Variants in RUSC1 observed in about 807,000 individuals in gnomAD.
RUSC1 encodes the protein RUN and SH3 domain containing 1, also known as AP-4 complex accessory subunit RUSC1.
Under a neutral mutation model 72.1 loss-of-function variants are expected in RUSC1, and 40 were observed. The observed-to-expected ratio is 0.55, with a 90% CI of 0.43 to 0.72. The LOEUF is 0.72. Ranked by LOEUF, RUSC1 falls within the 30% of genes least tolerant of loss-of-function variation. The pLI is 0.00. For synonymous variants in RUSC1, 512 were observed against 494.2 expected, an observed-to-expected ratio of 1.04 and a Z score of -0.48; for missense variants, 1,092 against 1,172.3, an observed-to-expected ratio of 0.93 and a Z score of 1.00.
rs1432410287 is a variant in RUSC1, at chr1:155,321,861, C to A, written c.88C>A (p.Pro30Thr). 1 of 1,613,814 alleles carries A rather than the reference C, an allele frequency of 6.2e-7. No individual in the cohort carries two copies. The highest frequency in any genetic ancestry group is 1.1e-5 in the South Asian group (1 of 91,082). ...VSLGLHLSRR[P>T]ELQEGPLSTP... Reference sequence around the variant, plus strand: ...CCTGGGCCTGCACTTGTCCCGCCGTCCTGAGCTACAGGAGGGGCCTTTGAG... The same window carrying A: ...CCTGGGCCTGCACTTGTCCCGCCGTACTGAGCTACAGGAGGGGCCTTTGAG... The change falls in exon 2 of 10, where the codon CCT becomes ACT. Residue 30 changes from proline to threonine, a missense_variant. Pro to Thr is a conservative substitution (Grantham distance 38, BLOSUM62 -1). Coordinates refer to ENST00000368352, the MANE Select transcript of RUSC1 (RefSeq NM_001105203.2).
In RUSC1 at chr1:155,330,509, CGCTGTGGGCGG is replaced by C; in HGVS notation, c.2649_2659del (p.Cys884TrpfsTer61). On this transcript the variant is annotated frameshift_variant, in exon 10 of 10. Coordinates refer to ENST00000368352, the MANE Select transcript of RUSC1 (RefSeq NM_001105203.2). LOFTEE classifies it high-confidence loss of function. The stretch of plus-strand genomic sequence containing the variant: ...CACCACAGTGGATGAGGACTGGCTC[CGCTGTGGGCGG>C]GATGGCATGGAGGGTCTGGTGCCTG... 6.2e-7 allele frequency: 1 copy of C among 1,613,910 alleles called. No individual in the cohort carries two copies. The highest frequency in any genetic ancestry group is 8.5e-7 in the Non-Finnish European group (1 of 1,179,908).
rs1007414548 is a variant in RUSC1 at position 155,326,969 on chromosome 1, T to G, written c.2251T>G (p.Ser751Ala). The stretch of plus-strand genomic sequence containing the variant: ...TGGGGGCACTGAGGGCTTTCCTCTT[T>G]CCCGATGGGCACCGGGGCGTCATGG... Reference protein sequence around the residue: ...ASGGTEGFPLSRWAPGRHGTA... With the variant: ...ASGGTEGFPLARWAPGRHGTA... Residue 751 changes from serine (S) to alanine (A), a missense_variant, in exon 8 of 10, where the codon TCC (serine) becomes GCC (alanine). Transcript: ENST00000368352. This position sits in a 1 kb window ranked among gnomAD's most constrained non-coding sequence, Gnocchi z 4.7. 1 of 1,613,576 alleles carries G rather than the reference T, an allele frequency of 6.2e-7. No homozygotes were observed. Among genetic ancestry groups the G allele is most frequent in the African/African-American group, 1.3e-5 (1 of 74,916 alleles).
Position 155,322,255 on chromosome 1 carries a change from G to GCTGCTCTC in RUSC1, c.486_493dup (p.Asp165AlafsTer24). 1 of 1,613,070 alleles carries GCTGCTCTC rather than the reference G, an allele frequency of 6.2e-7. No individual in the cohort carries two copies. On this transcript the variant is annotated frameshift_variant, in exon 2 of 10. Transcript: ENST00000368352. LOFTEE classifies it high-confidence loss of function. The stretch of plus-strand genomic sequence containing the variant: ...GGCACCTGCTCACCGGACAGCTTCT[G>GCTGCTCTC]CTGCTCTCCTGATTCCTGCTCCGGA...
Position 155,325,585 on chromosome 1 carries a change from T to C in RUSC1, c.1727T>C (p.Leu576Pro). 1.2e-6 allele frequency: 2 copies of C among 1,611,394 alleles called. No homozygotes were observed. Among genetic ancestry groups the C allele is most frequent in the Non-Finnish European group, 1.7e-6 (2 of 1,179,962 alleles). ...SVKPGSSTRSLGTLYSQVSRL... is the reference protein window; with the variant it reads ...SVKPGSSTRSPGTLYSQVSRL... ...TTCTCAGGCTCCAGCACCCGCTCCC[T>C]TGGAACCCTGTATAGCCAGGTCAGC... The change falls in exon 6 of 10, where the codon CTT becomes CCT. Residue 576 changes from leucine (L) to proline (P), a missense_variant. Physicochemically the swap from Leu to Pro is moderately conservative, Grantham distance 98. Coordinates refer to ENST00000368352, the MANE Select transcript of RUSC1 (RefSeq NM_001105203.2). The surrounding 1 kb of genome is among the most constrained non-coding windows in gnomAD (Gnocchi z 6.5).
Position 155,325,881 on chromosome 1 carries a change from T to C in RUSC1, c.1832T>C (p.Leu611Pro). ...LGLLNTKQLE[L>P]WFSSLQEDAG... Reference sequence around the variant, plus strand: ...TCCCCTAGCACCAAGCAGTTGGAGCTGTGGTTTTCCAGTCTCCAGGAAGAT... The same window carrying C: ...TCCCCTAGCACCAAGCAGTTGGAGCCGTGGTTTTCCAGTCTCCAGGAAGAT... Residue 611 changes from leucine (L) to proline (P), a missense_variant, in exon 7 of 10, where the codon CTG becomes CCG. Transcript: ENST00000368352. The surrounding 1 kb of genome is among the most constrained non-coding windows in gnomAD (Gnocchi z 6.5). The C allele has an allele frequency of 6.2e-7, 1 of 1,614,148 alleles. No individual in the cohort carries two copies. The highest frequency in any genetic ancestry group is 1.1e-5 in the South Asian group (1 of 91,070).
At chr1:155,324,056 G>T in intron 2 of RUSC1, 1 of 1,117,260 alleles carries the variant, frequency 9.0e-7, no homozygotes, top group Non-Finnish European at 1.1e-6. Context: ...GACCCACCTG[G>T]GCATAGTGGA....
Position 155,326,773 on chromosome 1 carries a change from T to C in RUSC1, c.2055T>C (p.Pro685=). ...AGGCCCCTGCCCCTCCAGGCCCACC[T>C]CCAGCTCTGCAGCAGACTATGCAAG... is the stretch of plus-strand genomic sequence containing the variant. The part of the protein sequence containing the change: ...PPQAPAPPGP[P]PALQQTMQAM... Residue 685 remains proline, a synonymous_variant, in exon 8 of 10, where the codon CCT becomes CCC. Transcript: ENST00000368352. This position sits in a 1 kb window ranked among gnomAD's most constrained non-coding sequence, Gnocchi z 4.7. The C allele has an allele frequency of 6.2e-7, 1 of 1,613,028 alleles. No individual in the cohort carries two copies. The highest frequency in any genetic ancestry group is 8.5e-7 in the Non-Finnish European group (1 of 1,180,016).
rs769126942 is a variant in RUSC1, at chr1:155,325,450, G to C, written c.1668G>C (p.Arg556Ser). The C allele has an allele frequency of 1.9e-6, 3 of 1,593,880 alleles. No homozygotes were observed. Among genetic ancestry groups the C allele is most frequent in the Non-Finnish European group, 2.6e-6 (3 of 1,174,304 alleles). The change falls in exon 5 of 10, where the codon AGG becomes AGC. Residue 556 changes from arginine (R) to serine (S), a missense_variant. Arg to Ser is a moderately radical substitution (Grantham distance 110, BLOSUM62 -1). Transcript: ENST00000368352. This position sits in a 1 kb window ranked among gnomAD's most constrained non-coding sequence, Gnocchi z 6.5. ...FRKDLITGQR[R>S]SSPWSVVEAS... is the part of the protein sequence containing the mutation. ...AGGACCTCATCACCGGGCAGCGCAGGAGCAGCCCCTGGAGCGTGGTGGAGG... is the reference window on the plus strand; with the variant it reads ...AGGACCTCATCACCGGGCAGCGCAGCAGCAGCCCCTGGAGCGTGGTGGAGG...
chr1:155,323,088 G>C lies in RUSC1; in HGVS notation c.1315G>C (p.Ala439Pro), dbSNP rs1359465048. The C allele has an allele frequency of 7.0e-7, 1 of 1,426,658 alleles. No individual in the cohort carries two copies. Among genetic ancestry groups the C allele is most frequent in the Non-Finnish European group, 9.1e-7 (1 of 1,094,278 alleles). The allele number at this position is 1,426,658 out of a possible 1,614,324, so 88.4% of individuals were successfully genotyped here. ...TGTCAGCCCAGCGGCTGGCGAGGAG[G>C]CCCCAGCCGCGAAGGAGCCGGGCGC... The part of the protein sequence containing the change: ...RAVSPAAGEE[A>P]PAAKEPGAQA... The change falls in exon 2 of 10, where the codon GCC (alanine) becomes CCC (proline). Residue 439 changes from alanine to proline, a missense_variant. Ala to Pro is a conservative substitution (Grantham distance 27). Transcript: ENST00000368352.
chr1:155,322,260 T>C lies in RUSC1; in HGVS notation c.487T>C (p.Ser163Pro). ...CTGCTCACCGGACAGCTTCTGCTGC[T>C]CTCCTGATTCCTGCTCCGGAGCTTC... ...GTCSPDSFCC[S>P]PDSCSGASSS... Residue 163 changes from serine (S) to proline (P), a missense_variant, in exon 2 of 10, where the codon TCT becomes CCT. Coordinates refer to ENST00000368352, the MANE Select transcript of RUSC1 (RefSeq NM_001105203.2). 3 of 1,613,008 alleles carry C rather than the reference T, an allele frequency of 1.9e-6. No individual in the cohort carries two copies. The highest frequency in any genetic ancestry group is 2.5e-6 in the Non-Finnish European group (3 of 1,179,192).
chr1:155,329,636 C>T (rs1034072816), intron 9 of RUSC1, among the ~76,000 whole-genome samples: 2 of 152,000 alleles, frequency 1.3e-5, no homozygotes, highest in African/African-American at 2.4e-5. Context: ...TTGTGATCCA[C>T]CCACCTCAGC....
chr1:155,329,567 T>C (rs1184202555), intron 9 of RUSC1, among the ~76,000 whole-genome samples: 3 of 151,784 alleles, frequency 2.0e-5, no homozygotes, highest in African/African-American at 7.3e-5. Context: ...TAATTTTTTA[T>C]ATTTTTAATA....
chr1:155,330,442 T>C lies in RUSC1; in HGVS notation c.2580T>C (p.Pro860=). 4 of 1,613,414 alleles carry C rather than the reference T, an allele frequency of 2.5e-6. No homozygotes were observed. The highest frequency in any genetic ancestry group is 3.4e-6 in the Non-Finnish European group (4 of 1,180,022). Residue 860 remains proline, a synonymous_variant, in exon 10 of 10, where the codon CCT becomes CCC. Coordinates refer to ENST00000368352, the MANE Select transcript of RUSC1 (RefSeq NM_001105203.2). ...RALCDHTAAR[P]DQLSFRRGEV... ...TCTGTGATCACACTGCTGCAAGACC[T>C]GACCAGTTGAGCTTCCGGCGTGGGG...
intron 8 of RUSC1, 112 bp from the exon 9 acceptor site, chr1:155,328,038 G>A (rs140346098): frequency 7.2e-7 from 1 of 1,386,766 alleles, no homozygotes; most frequent in Non-Finnish European, 9.8e-7. Context: ...ACTAACCCCT[G>A]ACCTCTTTTG....
rs889279944 is a variant in RUSC1, at chr1:155,326,517, C to T, written c.1862-63C>T. ...AAGATGTGTGCTGACTGGTGGGCTG[C>T]TCTGGGGGGTCTTCTGGGACTAGGT... is the stretch of plus-strand genomic sequence containing the variant. On this transcript the variant is annotated intron_variant, in intron 7 of 9. Transcript: ENST00000368352. This position sits in a 1 kb window ranked among gnomAD's most constrained non-coding sequence, Gnocchi z 4.7. The T allele has an allele frequency of 4.1e-5, 63 of 1,518,144 alleles. No individual in the cohort carries two copies. The highest frequency in any genetic ancestry group is 5.4e-5 in the Non-Finnish European group (60 of 1,119,006). 94.0% of individuals were successfully genotyped at this position (1,518,144 alleles called of 1,614,324 possible).
chr1:155,322,184 T>C lies in RUSC1; in HGVS notation c.411T>C (p.Ser137=). ...PGDEDAHPQP[S]IIPLEQGSPL... ...ATGAGGATGCCCACCCTCAGCCCAG[T>C]ATCATCCCCCTGGAGCAGGGCTCCC... The change falls in exon 2 of 10, where the codon AGT becomes AGC. Residue 137 remains serine (S), a synonymous_variant. Transcript: ENST00000368352. The C allele has an allele frequency of 2.5e-6, 4 of 1,606,596 alleles. No homozygotes were observed. Among genetic ancestry groups the C allele is most frequent in the Non-Finnish European group, 3.4e-6 (4 of 1,175,310 alleles).
At position 155,322,078 on chromosome 1, in the gene RUSC1, GCTC is replaced by G. The variant is rs753218081; in HGVS notation, c.312_314del (p.Ser105del). 1 of 1,613,838 alleles carries G rather than the reference GCTC, an allele frequency of 6.2e-7. No homozygotes were observed. Among genetic ancestry groups the G allele is most frequent in the Non-Finnish European group, 8.5e-7 (1 of 1,179,826 alleles). On this transcript the variant is annotated inframe_deletion, in exon 2 of 10. Transcript: ENST00000368352. ...GCTGCCTCTCCCTCAGACCCAGGCT[GCTC>G]CTCCTCACTCAGCTCCTGCTCAGAT...
chr1:155,323,150 GGGA>G lies in RUSC1; in HGVS notation c.1357+26_1357+28del. On this transcript the variant is annotated intron_variant, in intron 2 of 9. Transcript: ENST00000368352. ...TGGAGGGTAAGAGGTCGCAAGAAGC[GGGA>G]GGAGGGCTGGGCTTCGGCCGCTCAC... The G allele has an allele frequency of 7.1e-7, 1 of 1,401,932 alleles. No individual in the cohort carries two copies. The highest frequency in any genetic ancestry group is 9.2e-7 in the Non-Finnish European group (1 of 1,085,122). The allele number at this position is 1,401,932 out of a possible 1,614,324, so 86.8% of individuals were successfully genotyped here.
At chr1:155,323,631 C>T (rs959514072) in intron 2 of RUSC1, 2 of 152,794 alleles carry the variant, frequency 1.3e-5, no homozygotes, top group African/African-American at 4.8e-5. Context: ...CTCGGGGAGC[C>T]TTGCCCTGCC....
Sources: gnomAD v4.1 joint callset for allele counts (sites outside exome capture counted in the v4.1 genomes callset) on GRCh38, gnomAD v4.1.1 for gene constraint, Gnocchi (gnomAD v3.1) non-coding constraint, MANE v1.5 for transcripts, NCBI Gene and HGNC (gene_info 2026-07-23, HGNC 2026-07-21) for gene names.